ARHGAP28: variants seen among roughly 807,000 people sequenced by gnomAD.
The protein encoded by ARHGAP28 is rho GTPase-activating protein 28.
ARHGAP28 carries 56 observed loss-of-function variants against 90.7 expected under a neutral mutation model. That is an observed-to-expected ratio of 0.62 (90% CI 0.50 to 0.77). ARHGAP28 has a LOEUF of 0.77. ARHGAP28 is among the 30% of genes least tolerant of loss of function. The pLI is 0.00. For synonymous variants in ARHGAP28, 308 were observed against 323.3 expected, an observed-to-expected ratio of 0.95 and a Z score of 0.51; for missense variants, 869 against 900.9, an observed-to-expected ratio of 0.96 and a Z score of 0.45.
At chr18:6,898,863 A>C in intron 16 of ARHGAP28, 1 of 676,858 alleles carries the variant, frequency 1.5e-6, no homozygotes, top group Non-Finnish European at 1.9e-6. Context: ...GAATGACACC[A>C]TGGACTTTGG....
intron 3 of ARHGAP28, among the ~76,000 whole-genome samples, chr18:6,848,376 A>G: frequency 6.6e-6 from 1 of 152,152 alleles, no homozygotes; most frequent in East Asian, 1.9e-4. Flanking sequence ...GATCAGGGTC[A>G]GGTTTATAGG....
chr18:6,893,578 A>G (rs1032597120), intron 14 of ARHGAP28, among the ~76,000 whole-genome samples: 3 of 152,112 alleles, frequency 2.0e-5, no homozygotes, highest in Admixed American at 6.5e-5. Flanking sequence ...GTTACTACCC[A>G]TATGAGCCTG....
At position 6,824,859 on chromosome 18, in the gene ARHGAP28, G is replaced by C; in HGVS notation, c.220G>C (p.Asp74His). ...FSRSNSEASVDSASMEDFWRE... is the reference protein window; with the variant it reads ...FSRSNSEASVHSASMEDFWRE... ...CCGTTCCAACTCAGAAGCCTCCGTAGACAGCGCCTCCATGGAGGATTTCTG... is the reference window on the plus strand; with the variant it reads ...CCGTTCCAACTCAGAAGCCTCCGTACACAGCGCCTCCATGGAGGATTTCTG... Residue 74 changes from aspartate to histidine, a missense_variant, in exon 2 of 18, where the codon GAC (aspartate) becomes CAC (histidine). Physicochemically the swap from Asp to His is moderately conservative, Grantham distance 81 (BLOSUM62 -1). Transcript: ENST00000383472. The C allele has an allele frequency of 1.3e-6, 2 of 1,536,416 alleles. No individual in the cohort carries two copies. The highest frequency in any genetic ancestry group is 1.7e-6 in the Non-Finnish European group (2 of 1,146,970).
chr18:6,762,995 G>A (rs1247647102), intron 1 of ARHGAP28, among the ~76,000 whole-genome samples: 2 of 152,120 alleles, frequency 1.3e-5, no homozygotes, highest in Non-Finnish European at 2.9e-5. Flanking sequence ...CCTCTGATTG[G>A]CATAACAACA....
At chr18:6,801,448 TTTC>T (rs1401682050) in intron 1 of ARHGAP28, among the ~76,000 whole-genome samples, 10 of 152,210 alleles carry the variant, frequency 6.6e-5, no homozygotes, top group Admixed American at 2.6e-4. Flanking sequence ...GTGTGCTGAC[TTTC>T]TTCTTTTTCA....
chr18:6,838,694 T>C (rs1004206399), intron 3 of ARHGAP28, among the ~76,000 whole-genome samples: 2 of 152,236 alleles, frequency 1.3e-5, no homozygotes, highest in South Asian at 2.1e-4. Flanking sequence ...AGCTTATGTA[T>C]TGAATAACAT....
chr18:6,911,458 C>T lies in ARHGAP28; in HGVS notation c.2096-602C>T, dbSNP rs956112481. ...TTCTTTTCTTTTCTTTTCTTTGAGA[C>T]GGGATCTCACTCTGTCACCCAGGCT... is the stretch of plus-strand genomic sequence containing the variant. On this transcript the variant is annotated intron_variant, in intron 17 of 17. Transcript: ENST00000383472. Among the ~76,000 whole-genome samples, 18 of 90,070 alleles carry T rather than the reference C, an allele frequency of 2.0e-4. 1 individual carries two copies. The highest frequency in any genetic ancestry group is 3.1e-4 in the Admixed American group (3 of 9,626). The allele number at this position is 90,070 out of a possible 152,430, so 59.1% of individuals were successfully genotyped here.
intron 10 of ARHGAP28, among the ~76,000 whole-genome samples, chr18:6,881,691 C>T (rs1046208577): frequency 5.3e-5 from 8 of 152,096 alleles, no homozygotes; most frequent in East Asian, 3.9e-4. Context: ...GGATATTTCT[C>T]ATTCTGTTTG....
rs1241247836 is a variant in ARHGAP28, at chr18:6,757,346, CAAATG to C, written c.122+27408_122+27412del. ...GCAGTGTTTAGAGAAAGAAGGGAAA[CAAATG>C]AAATAAAGCAAAAGAACCAAAATGT... On this transcript the variant is annotated intron_variant, in intron 1 of 17. Coordinates refer to ENST00000383472, the MANE Select transcript of ARHGAP28 (RefSeq NM_001366230.1). Among the ~76,000 whole-genome samples the C allele has an allele frequency of 2.6e-5, 4 of 151,934 alleles. No homozygotes were observed. In the East Asian group the frequency reaches 7.7e-4, roughly 29 times the overall value.
At chr18:6,782,281 T>A (rs989353933) in intron 1 of ARHGAP28, among the ~76,000 whole-genome samples, 4 of 152,156 alleles carry the variant, frequency 2.6e-5, no homozygotes, top group African/African-American at 9.7e-5. Context: ...TTTTAGCACG[T>A]TGAAAATCCA....
At chr18:6,731,355 G>A (rs1359418671) in intron 1 of ARHGAP28, among the ~76,000 whole-genome samples, 1 of 151,672 alleles carries the variant, frequency 6.6e-6, no homozygotes, top group Non-Finnish European at 1.5e-5. Flanking sequence ...TTTCTTAAAC[G>A]GTTCTAGTGT....
chr18:6,780,479 G>A (rs1466693643), intron 1 of ARHGAP28, among the ~76,000 whole-genome samples: 1 of 152,112 alleles, frequency 6.6e-6, no homozygotes, highest in East Asian at 1.9e-4. Flanking sequence ...TTTATGTAAT[G>A]GACTTGAGCA....
intron 1 of ARHGAP28, among the ~76,000 whole-genome samples, chr18:6,796,075 A>G (rs547255370): frequency 1.3e-5 from 2 of 152,366 alleles, no homozygotes; most frequent in Non-Finnish European, 2.9e-5. Flanking sequence ...GTAGAGCAAC[A>G]TACATGGGTG....
chr18:6,790,544 G>C (rs906500983), intron 1 of ARHGAP28: 2 of 152,186 alleles, frequency 1.3e-5, no homozygotes, highest in African/African-American at 4.8e-5. Flanking sequence ...TTTGGGACTT[G>C]CTGCCTTTGA....
At chr18:6,847,608 G>T (rs963367650) in intron 3 of ARHGAP28, among the ~76,000 whole-genome samples, 31 of 131,006 alleles carry the variant, frequency 2.4e-4, no homozygotes, top group African/African-American at 8.8e-4. Flanking sequence ...ATCACGAAAG[G>T]ATGAGAGAGA....
chr18:6,777,633 G>A (rs779003914), intron 1 of ARHGAP28, among the ~76,000 whole-genome samples: 6 of 152,114 alleles, frequency 3.9e-5, no homozygotes, highest in Non-Finnish European at 8.8e-5. Context: ...GCTGCGGTGG[G>A]AGAATCACTT....
At chr18:6,883,882 A>T (rs2057199073) in intron 11 of ARHGAP28, among the ~76,000 whole-genome samples, 2 of 152,050 alleles carry the variant, frequency 1.3e-5, no homozygotes, top group African/African-American at 4.8e-5. Context: ...AATGAGAAAA[A>T]CTTGCTGAAA....
At chr18:6,869,812 A>G (rs771622885) in intron 6 of ARHGAP28, among the ~76,000 whole-genome samples, 4 of 152,224 alleles carry the variant, frequency 2.6e-5, no homozygotes, top group Non-Finnish European at 5.9e-5. Context: ...TTCACTTTGC[A>G]TATGAACAGT....
chr18:6,844,445 G>A (rs2056850761), intron 3 of ARHGAP28, among the ~76,000 whole-genome samples: 1 of 152,148 alleles, frequency 6.6e-6, no homozygotes, highest in Non-Finnish European at 1.5e-5. Context: ...AATGTGCCTG[G>A]CATTTAGTAG....
Sources: allele counts gnomAD v4.1 joint callset (sites outside exome capture counted in the v4.1 genomes callset), GRCh38; gene constraint gnomAD v4.1.1; transcripts MANE v1.5; gene names NCBI Gene and HGNC (gene_info 2026-07-23, HGNC 2026-07-21).